The following CNTNAP5 variants were observed in gnomAD, a reference collection of about 807,000 sequenced individuals.
The protein encoded by CNTNAP5 is contactin-associated protein-like 5.
Under a neutral mutation model 150.2 loss-of-function variants are expected in CNTNAP5, and 72 were observed. The ratio of observed to expected loss-of-function variants is 0.48; its 90% confidence interval spans 0.40 to 0.58. CNTNAP5 has a LOEUF of 0.58. Ranked by LOEUF, CNTNAP5 falls within the 20% of genes least tolerant of loss-of-function variation. The probability of loss-of-function intolerance (pLI) is 0.00; values close to 1 mark genes in which losing one functional copy is unlikely to be tolerated. For synonymous variants in CNTNAP5, 672 were observed against 619.8 expected (o/e 1.08, Z -1.25); for missense variants, 1,636 against 1,626.2 (o/e 1.01, Z -0.10).
chr2:124,804,321 G>A (rs1312316017), intron 19 of CNTNAP5, among the ~76,000 whole-genome samples: 2 of 152,144 alleles, frequency 1.3e-5, no homozygotes, highest in East Asian at 1.9e-4. Flanking sequence ...GGTAAGGGTG[G>A]GCCTGACTGG....
intron 19 of CNTNAP5, among the ~76,000 whole-genome samples, chr2:124,819,399 T>C (rs919923462): frequency 7.2e-5 from 11 of 152,098 alleles, no homozygotes; most frequent in African/African-American, 2.4e-4. Flanking sequence ...TTCCAGCAAA[T>C]AACATGGCAG....
chr2:124,632,461 C>T (rs972646686), intron 12 of CNTNAP5, among the ~76,000 whole-genome samples: 3 of 152,024 alleles, frequency 2.0e-5, no homozygotes, highest in Admixed American at 6.6e-5. Context: ...GAACAGAAAA[C>T]CAAACACTAC....
chr2:124,218,422 A>C (rs1686217375), intron 1 of CNTNAP5, among the ~76,000 whole-genome samples: 1 of 152,016 alleles, frequency 6.6e-6, no homozygotes, highest in African/African-American at 2.4e-5. Context: ...GCAGGGAGTG[A>C]TTTCTTCCTT....
At chr2:124,520,789 C>T (rs142012377) in intron 8 of CNTNAP5, among the ~76,000 whole-genome samples, 13 of 152,206 alleles carry the variant, frequency 8.5e-5, no homozygotes, top group Admixed American at 7.2e-4. Context: ...TCATTGGACA[C>T]GTCTATTCTT....
At chr2:124,699,177 T>C (rs1177803415) in intron 13 of CNTNAP5, among the ~76,000 whole-genome samples, 1 of 152,148 alleles carries the variant, frequency 6.6e-6, no homozygotes, top group Non-Finnish European at 1.5e-5. Flanking sequence ...TGCCTTGCAA[T>C]GCAAATCACC....
chr2:124,799,670 G>A (rs1681925304), intron 19 of CNTNAP5, among the ~76,000 whole-genome samples: 1 of 152,066 alleles, frequency 6.6e-6, no homozygotes, highest in African/African-American at 2.4e-5. Context: ...TTTTTTCTTT[G>A]GTTTATTCCT....
At chr2:124,609,662 A>G in intron 11 of CNTNAP5, 139 bp from the exon 12 acceptor site, 1 of 820,946 alleles carries the variant, frequency 1.2e-6, no homozygotes, top group Non-Finnish European at 1.8e-6. Context: ...TGGTGTGTTA[A>G]GGCTTGGGGA....
chr2:124,704,969 G>C (rs1489616410), intron 13 of CNTNAP5, among the ~76,000 whole-genome samples: 2 of 152,134 alleles, frequency 1.3e-5, no homozygotes, highest in East Asian at 1.9e-4. Context: ...CTCCTATGTA[G>C]TCTTGCTGCT....
At chr2:124,818,676 T>C (rs946824627) in intron 19 of CNTNAP5, among the ~76,000 whole-genome samples, 7 of 152,156 alleles carry the variant, frequency 4.6e-5, no homozygotes, top group African/African-American at 1.7e-4. Context: ...CATCCGCTCC[T>C]GTAGCCACAA....
chr2:124,382,073 T>C (rs1183358042), intron 3 of CNTNAP5, among the ~76,000 whole-genome samples: 1 of 152,172 alleles, frequency 6.6e-6, no homozygotes, highest in Non-Finnish European at 1.5e-5. Flanking sequence ...AAGGCATACT[T>C]GCATGCCCAA....
intron 5 of CNTNAP5, among the ~76,000 whole-genome samples, chr2:124,440,141 G>A (rs1049884931): frequency 8.5e-5 from 13 of 152,074 alleles, no homozygotes; most frequent in African/African-American, 3.1e-4. Flanking sequence ...ATTATAGTCA[G>A]AAATAATTAT....
intron 11 of CNTNAP5, among the ~76,000 whole-genome samples, chr2:124,587,635 C>T (rs565900892): frequency 2.0e-5 from 3 of 152,172 alleles, no homozygotes; most frequent in South Asian, 4.2e-4. Context: ...CTTTTGGGGC[C>T]TTTGTATAGC....
chr2:124,220,993 A>G (rs1463800971), intron 1 of CNTNAP5, among the ~76,000 whole-genome samples: 1 of 152,132 alleles, frequency 6.6e-6, no homozygotes, highest in African/African-American at 2.4e-5. Context: ...CAAGACAAGC[A>G]TCTTTGCTCA....
At chr2:124,853,114 C>G (rs1683189791) in intron 19 of CNTNAP5, among the ~76,000 whole-genome samples, 2 of 152,208 alleles carry the variant, frequency 1.3e-5, no homozygotes, top group African/African-American at 2.4e-5. Context: ...AAGCAAGAAA[C>G]TAGCAATGCC....
intron 21 of CNTNAP5, among the ~76,000 whole-genome samples, chr2:124,878,187 G>T: frequency 6.6e-6 from 1 of 152,118 alleles, no homozygotes. Context: ...AGTAGAGGTA[G>T]AGTGAGGGAG....
At chr2:124,889,227 G>A (rs891151708) in intron 21 of CNTNAP5, among the ~76,000 whole-genome samples, 3 of 151,632 alleles carry the variant, frequency 2.0e-5, no homozygotes, top group Admixed American at 2.0e-4. Flanking sequence ...AGCCTCCCAA[G>A]TAGCTGGGAC....
At chr2:124,904,996 G>A (rs189500673) in intron 22 of CNTNAP5, among the ~76,000 whole-genome samples, 1 of 138,540 alleles carries the variant, frequency 7.2e-6, no homozygotes, top group East Asian at 2.2e-4. Flanking sequence ...CTGATGAAGG[G>A]TTAGTATCCA....
rs564109342 is a variant in CNTNAP5 at position 124,582,123 on chromosome 2, C to CT, written c.1756+18804dup. ...GAAGTTGCTGTGTAAATCTGGTGAA[C>CT]TTTTCAGTGTAAAGCGATTCCATGC... is the stretch of plus-strand genomic sequence containing the variant. On this transcript the variant is annotated intron_variant, in intron 11 of 23. Transcript: ENST00000682447. Among the ~76,000 whole-genome samples the CT allele has an allele frequency of 5.9e-5, 9 of 152,236 alleles. No homozygotes were observed. In the East Asian group the frequency reaches 1.7e-3, roughly 30 times the overall value.
chr2:124,868,830 T>C (rs1370477007), intron 20 of CNTNAP5, among the ~76,000 whole-genome samples: 1 of 152,138 alleles, frequency 6.6e-6, no homozygotes, highest in East Asian at 1.9e-4. Flanking sequence ...TCTCCTCTTC[T>C]TACAGGTGAA....
Sources: gnomAD v4.1 joint callset for allele counts (sites outside exome capture counted in the v4.1 genomes callset) on GRCh38, gnomAD v4.1.1 for gene constraint, MANE v1.5 for transcripts, NCBI Gene and HGNC (gene_info 2026-07-23, HGNC 2026-07-21) for gene names.